Variants in ZNF385B observed in about 807,000 individuals in gnomAD.
ZNF385B encodes the protein zinc finger protein 385B, also known as zinc finger protein 533.
In ZNF385B, 23 loss-of-function variants were observed where a neutral mutation model predicts 39.2. The observed-to-expected ratio is 0.59, with a 90% CI of 0.42 to 0.83. ZNF385B has a LOEUF of 0.83. Ranked by LOEUF, ZNF385B falls within the 40% of genes least tolerant of loss-of-function variation. The probability of loss-of-function intolerance (pLI) is 0.00; values close to 1 mark genes in which losing one functional copy is unlikely to be tolerated. For missense variants in ZNF385B, 552 were observed against 598.9 expected (o/e 0.92, Z 0.82); for synonymous variants, 205 against 222.6 (o/e 0.92, Z 0.70).
At chr2:179,458,839 TTGTA>T (rs1333287114) in intron 6 of ZNF385B, among the ~76,000 whole-genome samples, 1 of 152,190 alleles carries the variant, frequency 6.6e-6, no homozygotes, top group African/African-American at 2.4e-5. Context: ...TAGCTTAAGA[TTGTA>T]TTTAAGCCTG....
At chr2:179,614,356 T>A (rs1018197585) in intron 3 of ZNF385B, among the ~76,000 whole-genome samples, 10 of 152,164 alleles carry the variant, frequency 6.6e-5, no homozygotes, top group Admixed American at 5.2e-4. Context: ...ATGCTTGGAA[T>A]GTTGGAAGTG....
chr2:179,575,528 C>T (rs954575552), intron 3 of ZNF385B, among the ~76,000 whole-genome samples: 2 of 152,142 alleles, frequency 1.3e-5, no homozygotes, highest in African/African-American at 2.4e-5. Flanking sequence ...TCTCATTGGC[C>T]TGCAAGCATT....
At chr2:179,780,707 C>G (rs1409883675) in intron 1 of ZNF385B, among the ~76,000 whole-genome samples, 1 of 152,168 alleles carries the variant, frequency 6.6e-6, no homozygotes, top group African/African-American at 2.4e-5. Context: ...TTCCTAACTC[C>G]TCCTGAAAGG....
intron 3 of ZNF385B, among the ~76,000 whole-genome samples, chr2:179,558,706 T>A (rs1273617361): frequency 6.6e-6 from 1 of 150,654 alleles, no homozygotes; most frequent in Non-Finnish European, 1.5e-5. Flanking sequence ...AGAATTACAA[T>A]GCACTATAGA....
chr2:179,537,766 CAAA>C (rs151220146), intron 4 of ZNF385B, among the ~76,000 whole-genome samples: 3 of 130,516 alleles, frequency 2.3e-5, no homozygotes, highest in Admixed American at 2.3e-4. Context: ...AACAAACAAA[CAAA>C]AAAAAAAATT....
At chr2:179,580,005 G>A (rs572115254) in intron 3 of ZNF385B, among the ~76,000 whole-genome samples, 165 of 152,206 alleles carry the variant, frequency 1.1e-3, no homozygotes, top group Non-Finnish European at 1.6e-3. Flanking sequence ...GTTTAATGTG[G>A]TTTAGAAATT....
At chr2:179,627,582 G>C (rs1250970815) in intron 3 of ZNF385B, among the ~76,000 whole-genome samples, 4 of 152,128 alleles carry the variant, frequency 2.6e-5, no homozygotes, top group African/African-American at 9.7e-5. Context: ...ATGTGGGCTG[G>C]AGCTGGCTGC....
chr2:179,461,430 T>C (rs964167131), intron 6 of ZNF385B, among the ~76,000 whole-genome samples: 7 of 152,204 alleles, frequency 4.6e-5, no homozygotes, highest in Admixed American at 4.6e-4. Flanking sequence ...TATTTGTATG[T>C]AGAACCAACT....
intron 3 of ZNF385B, among the ~76,000 whole-genome samples, chr2:179,643,598 A>G (rs770189138): frequency 6.6e-5 from 10 of 152,292 alleles, no homozygotes; most frequent in African/African-American, 2.4e-4. Flanking sequence ...GTGCTGAGCA[A>G]AAGAGGCCAG....
intron 3 of ZNF385B, among the ~76,000 whole-genome samples, chr2:179,695,291 GATAT>G (rs1698653743): frequency 6.6e-6 from 1 of 151,942 alleles, no homozygotes; most frequent in Non-Finnish European, 1.5e-5. Flanking sequence ...AGGATTTTTA[GATAT>G]GATACCAAAA....
intron 3 of ZNF385B, among the ~76,000 whole-genome samples, chr2:179,646,640 C>T (rs964579639): frequency 3.5e-5 from 5 of 143,710 alleles, no homozygotes; most frequent in Middle Eastern, 3.4e-3. Flanking sequence ...TCTGAGCCTA[C>T]GGGCTTGGCA....
chr2:179,614,653 G>C (rs925445155), intron 3 of ZNF385B, among the ~76,000 whole-genome samples: 1 of 152,152 alleles, frequency 6.6e-6, no homozygotes, highest in South Asian at 2.1e-4. Flanking sequence ...AGCACAGATT[G>C]ACAGTACTGA....
intron 3 of ZNF385B, among the ~76,000 whole-genome samples, chr2:179,700,492 T>C (rs1365571579): frequency 6.6e-6 from 1 of 152,192 alleles, no homozygotes; most frequent in Non-Finnish European, 1.5e-5. Context: ...TTCTTTAATG[T>C]TGCTCTCTTT....
At chr2:179,475,281 C>T (rs973103880) in intron 6 of ZNF385B, among the ~76,000 whole-genome samples, 7 of 146,548 alleles carry the variant, frequency 4.8e-5, no homozygotes, top group African/African-American at 1.3e-4. Flanking sequence ...GACAGAATCT[C>T]GCTCTGTTAC....
At chr2:179,623,461 A>T (rs191655548) in intron 3 of ZNF385B, among the ~76,000 whole-genome samples, 2 of 152,154 alleles carry the variant, frequency 1.3e-5, no homozygotes, top group Non-Finnish European at 2.9e-5. Context: ...CTGATCGGAC[A>T]TATTTTATCC....
At chr2:179,853,190 G>A (rs1553546665) in intron 1 of ZNF385B, among the ~76,000 whole-genome samples, 1 of 152,102 alleles carries the variant, frequency 6.6e-6, no homozygotes, top group African/African-American at 2.4e-5. Flanking sequence ...CCCAGGAGAG[G>A]TGACTATCCA....
Position 179,445,640 on chromosome 2 carries a change from C to T in ZNF385B, c.1050G>A (p.Gln350=), listed in dbSNP as rs2049395415. The T allele has an allele frequency of 6.2e-7, 1 of 1,614,106 alleles. No homozygotes were observed. The highest frequency in any genetic ancestry group is 8.5e-7 in the Non-Finnish European group (1 of 1,179,986). ...GTAGTCCTGACCCCTTACTGCCATT[C>T]TGCATCTTTAATCTTGATCCAGGTC... ...YPRPGSRLKM[Q]NGSKGSGLQN... The change falls in exon 8 of 10, where the codon CAG becomes CAA. Residue 350 remains glutamine, a synonymous_variant. Coordinates refer to ENST00000410066, the MANE Select transcript of ZNF385B (RefSeq NM_152520.6).
chr2:179,730,969 C>G (rs914458025), intron 3 of ZNF385B, among the ~76,000 whole-genome samples: 1 of 152,200 alleles, frequency 6.6e-6, no homozygotes, highest in Non-Finnish European at 1.5e-5. Context: ...TTTTACCAAA[C>G]ACCATCAAAA....
At chr2:179,614,424 A>G (rs1230472695) in intron 3 of ZNF385B, among the ~76,000 whole-genome samples, 1 of 152,222 alleles carries the variant, frequency 6.6e-6, no homozygotes, top group Non-Finnish European at 1.5e-5. Flanking sequence ...GATGACTTTT[A>G]GCAGTTTGTA....
Sources: gnomAD v4.1 joint callset for allele counts (sites outside exome capture counted in the v4.1 genomes callset) on GRCh38, gnomAD v4.1.1 for gene constraint, MANE v1.5 for transcripts, NCBI Gene and HGNC (gene_info 2026-07-23, HGNC 2026-07-21) for gene names.